GLB1L3: variants seen among roughly 807,000 people sequenced by gnomAD.
The protein encoded by GLB1L3 is galactosidase beta 1 like 3, also known as beta-galactosidase-1-like protein 3.
GLB1L3 carries 89 observed loss-of-function variants against 89.5 expected under a neutral mutation model. The observed-to-expected ratio is 0.99, with a 90% CI of 0.84 to 1.19. GLB1L3 has a LOEUF of 1.19. Among genes scored for constraint, GLB1L3 ranks in the 50% most tolerant of loss-of-function variants. GLB1L3 has a pLI of 0.00. For missense variants in GLB1L3, 812 were observed against 813.3 expected (o/e 1.00, Z 0.02); for synonymous variants, 314 against 312.3 (o/e 1.01, Z -0.06).
chr11:134,307,676 C>T (rs1024238912), intron 10 of GLB1L3, among the ~76,000 whole-genome samples: 36 of 152,174 alleles, frequency 2.4e-4, no homozygotes, highest in African/African-American at 7.7e-4. Flanking sequence ...CAACATGCAG[C>T]GATAGCCAAG....
intron 10 of GLB1L3, 41 bp downstream of exon 10, chr11:134,307,249 C>T (rs776304842): frequency 1.5e-5 from 21 of 1,430,344 alleles, no homozygotes; most frequent in Non-Finnish European, 9.8e-6. Context: ...AGAGATGGCC[C>T]CAGGTCCCAT....
downstream of GLB1L3, among the ~76,000 whole-genome samples, chr11:134,323,413 ACACACACACAC>A (rs1943189992): frequency 6.6e-6 from 1 of 151,638 alleles, no homozygotes; most frequent in South Asian, 2.1e-4. Flanking sequence ...ACACACACAC[ACACACACACAC>A]AATTAGTCGG....
chr11:134,305,037 A>G, intron 9 of GLB1L3: 2 of 1,509,058 alleles, frequency 1.3e-6, no homozygotes, highest in Non-Finnish European at 1.8e-6. Flanking sequence ...ATAACAATGT[A>G]TCTTAGTGGC....
At position 134,293,253 on chromosome 11, in the gene GLB1L3, A is replaced by G. The variant is rs151302116; in HGVS notation, c.876+44A>G. 1.1e-4 allele frequency: 159 copies of G among 1,471,866 alleles called. 1 individual carries two copies. In the East Asian group the frequency reaches 2.4e-3, roughly 22 times the overall value. The allele number at this position is 1,471,866 out of a possible 1,614,324, so 91.2% of individuals were successfully genotyped here. ...GCAGGGTTTTACAGCTCCTCCTACC[A>G]TGACCTCCCTTGCCTATGTAGCTGG... On this transcript the variant is annotated intron_variant, in intron 9 of 19. Transcript: ENST00000431683.
intron 9 of GLB1L3, among the ~76,000 whole-genome samples, chr11:134,296,837 A>ATAG (rs1941676036): frequency 7.2e-5 from 1 of 13,874 alleles, no homozygotes; most frequent in African/African-American, 1.3e-4. Flanking sequence ...AACTTAAAGT[A>ATAG]TAATAATAAT....
chr11:134,282,491 A>C (rs1462865951), intron 5 of GLB1L3, among the ~76,000 whole-genome samples: 1 of 152,204 alleles, frequency 6.6e-6, no homozygotes, highest in Non-Finnish European at 1.5e-5. Flanking sequence ...CTGGGAAGAA[A>C]GGGACCAGAA....
chr11:134,315,992 A>G (rs1367097217), intron 18 of GLB1L3, among the ~76,000 whole-genome samples: 1 of 152,222 alleles, frequency 6.6e-6, no homozygotes, highest in Non-Finnish European at 1.5e-5. Flanking sequence ...GTAAAATTAC[A>G]TAACATAAAA....
Position 134,314,018 on chromosome 11 carries a change from T to G in GLB1L3, c.1657T>G (p.Phe553Val), listed in dbSNP as rs1045690694. Residue 553 changes from phenylalanine (F) to valine (V), a missense_variant, in exon 17 of 20, where the codon TTC becomes GTC. Physicochemically the swap from Phe to Val is conservative, Grantham distance 50. This residue lies in a region of GLB1L3 where 618 missense variants were observed against 604.0 expected (regional missense o/e 1.02). Coordinates refer to ENST00000431683, the MANE Select transcript of GLB1L3 (RefSeq NM_001080407.3). ...TIYSLEMKMSFFERLRSATWK... is the reference protein window; with the variant it reads ...TIYSLEMKMSVFERLRSATWK... The stretch of plus-strand genomic sequence containing the variant: ...CTATTCCCTGGAGATGAAAATGAGC[T>G]TCTTTGAGAGGTATGCTCCAGCTGG... 1.2e-6 allele frequency: 2 copies of G among 1,609,058 alleles called. No homozygotes were observed. The highest frequency in any genetic ancestry group is 1.7e-6 in the Non-Finnish European group (2 of 1,176,008).
chr11:134,277,485 G>A lies in GLB1L3; in HGVS notation c.149+34G>A, dbSNP rs201676488. On this transcript the variant is annotated intron_variant, in intron 2 of 19. Coordinates refer to ENST00000431683, the MANE Select transcript of GLB1L3 (RefSeq NM_001080407.3). The stretch of plus-strand genomic sequence containing the variant: ...GAGAGCTACATCCCTGGGGAGGGAG[G>A]GGAGCGATCTCTCCTTTCTTGGAGA... 7.4e-5 allele frequency: 118 copies of A among 1,602,890 alleles called. 1 individual carries two copies. In the Middle Eastern group the frequency reaches 7.3e-3, roughly 100 times the overall value.
At chr11:134,308,527 CACCACT>C (rs1942502480) in intron 10 of GLB1L3, among the ~76,000 whole-genome samples, 2 of 84,568 alleles carry the variant, frequency 2.4e-5, no homozygotes, top group Admixed American at 1.2e-4. Flanking sequence ...CCATGTCCAC[CACCACT>C]ACCACCACCA....
At position 134,276,680 on chromosome 11, in the gene GLB1L3, T is replaced by C. The variant is rs1454156619; in HGVS notation, c.-61T>C. The C allele has an allele frequency of 2.2e-6, 3 of 1,362,874 alleles. No homozygotes were observed. The highest frequency in any genetic ancestry group is 2.8e-6 in the Non-Finnish European group (3 of 1,054,392). The allele number at this position is 1,362,874 out of a possible 1,614,324, so 84.4% of individuals were successfully genotyped here. A position where few individuals can be genotyped will look rare whatever the true frequency, so the allele number is the denominator to read the frequency against. ...CTCGAGTCCCGGCCCGAGCGCGGCG[T>C]CGGGGCCAGCGGAGAGGGGCGGAAG... On this transcript the variant is annotated 5_prime_UTR_variant, in exon 1 of 20. Coordinates refer to ENST00000431683, the MANE Select transcript of GLB1L3 (RefSeq NM_001080407.3).
intron 9 of GLB1L3, among the ~76,000 whole-genome samples, chr11:134,296,274 G>T (rs545430551): frequency 7.0e-5 from 10 of 142,912 alleles, no homozygotes; most frequent in African/African-American, 2.6e-4. Flanking sequence ...CATTGTGGAA[G>T]TCAGTGTGGC....
chr11:134,296,939 G>A (rs1941687693), intron 9 of GLB1L3, among the ~76,000 whole-genome samples: 1 of 151,848 alleles, frequency 6.6e-6, no homozygotes, highest in Non-Finnish European at 1.5e-5. Flanking sequence ...CAAGCTAATT[G>A]ATGATATTGG....
Position 134,309,790 on chromosome 11 carries a change from T to C in GLB1L3, c.1099+27T>C, listed in dbSNP as rs775557131. 1.9e-6 allele frequency: 3 copies of C among 1,609,912 alleles called. No homozygotes were observed. In the African/African-American group the frequency reaches 4.0e-5, roughly 21 times the overall value. On this transcript the variant is annotated intron_variant, in intron 11 of 19. Coordinates refer to ENST00000431683, the MANE Select transcript of GLB1L3 (RefSeq NM_001080407.3). Reference sequence around the variant, plus strand: ...CAAGTGTCGCTGGTGTAGTAGCCTCTCCAGCATGGGCGGTGCTGGGGCTTT... The same window carrying C: ...CAAGTGTCGCTGGTGTAGTAGCCTCCCCAGCATGGGCGGTGCTGGGGCTTT...
At chr11:134,321,704 G>A (rs1424586002), downstream of GLB1L3, among the ~76,000 whole-genome samples, 1 of 152,096 alleles carries the variant, frequency 6.6e-6, no homozygotes, top group African/African-American at 2.4e-5. Context: ...TCACTCATAG[G>A]TGGGAATTGA....
At chr11:134,313,568 C>T in intron 16 of GLB1L3, 94 bp downstream of exon 16, 3 of 1,084,790 alleles carry the variant, frequency 2.8e-6, no homozygotes, top group South Asian at 2.8e-5. Flanking sequence ...GGGAAACCAG[C>T]CGCTCAGCAG....
At chr11:134,287,859 C>T (rs1222307200) in intron 6 of GLB1L3, among the ~76,000 whole-genome samples, 1 of 152,204 alleles carries the variant, frequency 6.6e-6, no homozygotes, top group African/African-American at 2.4e-5. Flanking sequence ...AGCTGACAGT[C>T]ATGCCTCTTC....
intron 7 of GLB1L3, among the ~76,000 whole-genome samples, chr11:134,291,342 C>T (rs1341263156): frequency 4.0e-5 from 6 of 151,030 alleles, no homozygotes; most frequent in Non-Finnish European, 2.9e-5. Context: ...TTCATTGCAA[C>T]CTCTACCTCT....
Position 134,319,015 on chromosome 11 carries a change from C to T in GLB1L3, c.*73C>T. ...TGTCGCCCAGGCTGGAGTGCAGTGG[C>T]ACAATCTCTGCTCACTGCAAGCTCA... is the stretch of plus-strand genomic sequence containing the variant. On this transcript the variant is annotated 3_prime_UTR_variant, in exon 20 of 20. Coordinates refer to ENST00000431683, the MANE Select transcript of GLB1L3 (RefSeq NM_001080407.3). 1.9e-6 allele frequency: 2 copies of T among 1,046,822 alleles called. No homozygotes were observed. Among genetic ancestry groups the T allele is most frequent in the Admixed American group, 1.8e-5 (1 of 56,156 alleles). 64.8% of individuals were successfully genotyped at this position (1,046,822 alleles called of 1,614,324 possible). A position where few individuals can be genotyped will look rare whatever the true frequency, so the allele number is the denominator to read the frequency against.
Sources: gnomAD v4.1 joint callset for allele counts (sites outside exome capture counted in the v4.1 genomes callset) on GRCh38, gnomAD v4.1.1 for gene constraint, gnomAD v4.1.1 regional missense constraint, MANE v1.5 for transcripts, NCBI Gene and HGNC (gene_info 2026-07-23, HGNC 2026-07-21) for gene names.